Variants in SASH1 observed in about 807,000 individuals in gnomAD.
SASH1 encodes the protein SAM and SH3 domain containing 1, also known as SAM and SH3 domain-containing protein 1.
In SASH1, 44 loss-of-function variants were observed where a neutral mutation model predicts 125.2. That is an observed-to-expected ratio of 0.35 (90% CI 0.28 to 0.45). The LOEUF (loss-of-function observed/expected upper bound fraction) is 0.45. SASH1 is among the 20% of genes least tolerant of loss of function. SASH1 has a pLI of 1.00. For missense variants in SASH1, 1,426 were observed against 1,614.5 expected (o/e 0.88, Z 2.00); for synonymous variants, 639 against 649.1 (o/e 0.98, Z 0.24).
chr6:148,503,698 G>C (rs1190645323), intron 8 of SASH1, among the ~76,000 whole-genome samples: 1 of 151,768 alleles, frequency 6.6e-6, no homozygotes, highest in Non-Finnish European at 1.5e-5. Flanking sequence ...GGGAGGATTT[G>C]GGGACACTGA....
chr6:148,312,964 C>T (rs1780373996), intron 1 of SASH1, among the ~76,000 whole-genome samples: 1 of 152,074 alleles, frequency 6.6e-6, no homozygotes, highest in Non-Finnish European at 1.5e-5. Context: ...GAAGTGTCAA[C>T]AGAGATTCAG....
At chr6:148,317,683 C>A (rs1347809863) in intron 1 of SASH1, among the ~76,000 whole-genome samples, 1 of 152,156 alleles carries the variant, frequency 6.6e-6, no homozygotes, top group East Asian at 1.9e-4. Flanking sequence ...CCTCGGCCTC[C>A]CAAAGTGCTG....
At chr6:148,514,920 G>T (rs939329103) in intron 9 of SASH1, among the ~76,000 whole-genome samples, 16 of 152,124 alleles carry the variant, frequency 1.1e-4, no homozygotes, top group Non-Finnish European at 2.2e-4. Context: ...GGGTTGATTT[G>T]TTCTTCCTGT....
chr6:148,471,878 G>A (rs1305255573), intron 6 of SASH1, among the ~76,000 whole-genome samples: 1 of 152,102 alleles, frequency 6.6e-6, no homozygotes, highest in South Asian at 2.1e-4. Flanking sequence ...TCCTGTCCGC[G>A]TTCCCACTGA....
chr6:148,548,113 T>C (rs1380968245), intron 19 of SASH1, among the ~76,000 whole-genome samples, 182 bp from the exon 20 acceptor site: 4 of 152,216 alleles, frequency 2.6e-5, no homozygotes, highest in Non-Finnish European at 4.4e-5. Flanking sequence ...TCCTTAAAGA[T>C]TTGTTTCATC....
the SASH1 span, among the ~76,000 whole-genome samples, chr6:148,209,936 T>C: frequency 5.6e-3 from 856 of 152,172 alleles, 9 homozygotes; most frequent in African/African-American, 0.019. Context: ...ACACAGTGTA[T>C]TTTTTTTCCC....
chr6:148,266,112 G>A, the SASH1 span, among the ~76,000 whole-genome samples: 1 of 151,732 alleles, frequency 6.6e-6, no homozygotes, highest in Non-Finnish European at 1.5e-5. Context: ...AGCTGGGATT[G>A]CAGGTGCCCA....
At chr6:148,327,446 G>T (rs1037092948) in intron 1 of SASH1, among the ~76,000 whole-genome samples, 2 of 151,164 alleles carry the variant, frequency 1.3e-5, no homozygotes, top group African/African-American at 4.9e-5. Context: ...CACCACGCCC[G>T]GCTAATTTTT....
chr6:148,212,827 A>T, the SASH1 span, among the ~76,000 whole-genome samples: 1 of 152,080 alleles, frequency 6.6e-6, no homozygotes, highest in African/African-American at 2.4e-5. Flanking sequence ...TATAGAGAGG[A>T]GTTTATTTGA....
At chr6:148,279,403 A>G (rs1779276332) in intron 1 of SASH1, among the ~76,000 whole-genome samples, 2 of 152,236 alleles carry the variant, frequency 1.3e-5, no homozygotes, top group African/African-American at 4.8e-5. Flanking sequence ...AATGCCTAGC[A>G]CATAGTGGAC....
chr6:148,536,970 A>AAAAC (rs1781882914), intron 16 of SASH1, among the ~76,000 whole-genome samples: 1 of 152,204 alleles, frequency 6.6e-6, no homozygotes. Context: ...TATTGGTTCT[A>AAAAC]AAACAAAGGC....
the SASH1 span, among the ~76,000 whole-genome samples, chr6:148,259,548 C>T: frequency 6.6e-6 from 1 of 152,198 alleles, no homozygotes; most frequent in African/African-American, 2.4e-5. Context: ...TATGGCTGTG[C>T]TTGTGTCGCT....
rs370163135 is a variant in SASH1, at chr6:148,440,342, G to A, written c.337-16G>A. 111 of 1,613,416 alleles carry A rather than the reference G, an allele frequency of 6.9e-5. 2 individuals are homozygous for A. The African/African-American group carries it at 7.1e-4, about 10-fold the overall frequency. ...GCTGCTCTGACCACACTGACTATAC[G>A]AATCTTCTCTCGTAGGAGTCGCTTG... On this transcript the variant is annotated splice_polypyrimidine_tract_variant and intron_variant, in intron 3 of 19. Transcript: ENST00000367467.
At chr6:148,331,976 G>A (rs1288949779) in intron 1 of SASH1, among the ~76,000 whole-genome samples, 4 of 152,044 alleles carry the variant, frequency 2.6e-5, no homozygotes, top group Admixed American at 2.0e-4. Context: ...GTTCCCCCCT[G>A]CCCTACCCAG....
chr6:148,532,669 A>G lies in SASH1; in HGVS notation c.1565-128A>G. The G allele has an allele frequency of 9.3e-7, 1 of 1,074,818 alleles. No individual in the cohort carries two copies. The highest frequency in any genetic ancestry group is 1.5e-5 in the South Asian group (1 of 68,696). The allele number at this position is 1,074,818 out of a possible 1,614,324, so 66.6% of individuals were successfully genotyped here. A position where few individuals can be genotyped will look rare whatever the true frequency, so the allele number is the denominator to read the frequency against. ...CTGGGCCCTGCCCTGGTCCTGACAG[A>G]GGGTTGTGGCTCAAGGCTTCCTTTC... On this transcript the variant is annotated intron_variant, in intron 13 of 19. Transcript: ENST00000367467. The surrounding 1 kb of genome is among the most constrained non-coding windows in gnomAD (Gnocchi z 4.7).
In SASH1 at chr6:148,468,687, GA is replaced by G. The variant is rs1487309087; in HGVS notation, c.427+105del. 4 of 722,608 alleles carry G rather than the reference GA, an allele frequency of 5.5e-6. No homozygotes were observed. In the African/African-American group the frequency reaches 7.3e-5, roughly 13 times the overall value. 44.8% of individuals were successfully genotyped at this position (722,608 alleles called of 1,614,324 possible). A position where few individuals can be genotyped will look rare whatever the true frequency, so the allele number is the denominator to read the frequency against. On this transcript the variant is annotated intron_variant, in intron 5 of 19. Transcript: ENST00000367467. The stretch of plus-strand genomic sequence containing the variant: ...AAACCCACAAGAATCCTTCTACTCA[GA>G]AATAAACACTGTTAAGATTTTGATG...
intron 16 of SASH1, among the ~76,000 whole-genome samples, chr6:148,539,339 T>G (rs1196547292): frequency 6.6e-6 from 1 of 152,074 alleles, no homozygotes; most frequent in Non-Finnish European, 1.5e-5. Context: ...TGTAGTTTTT[T>G]TATCCCTAGA....
intron 2 of SASH1, 125 bp from the exon 3 acceptor site, chr6:148,440,059 C>A: frequency 1.3e-6 from 1 of 760,524 alleles, no homozygotes. Context: ...TTATCTCTGC[C>A]ATCTCCTCCC....
Position 148,371,261 on chromosome 6 carries a change from A to G in SASH1, c.157-18873A>G, listed in dbSNP as rs116584532. Among the ~76,000 whole-genome samples, 1,126 of 151,918 alleles carry G rather than the reference A, an allele frequency of 7.4e-3. 15 individuals carry two copies. The highest frequency in any genetic ancestry group is 0.022 in the African/African-American group (931 of 41,450). ...TTTGGGCATTTTCTGAATTATATCT[A>G]TGGAGCACCTAGTTGGCTATTCTTT... On this transcript the variant is annotated intron_variant, in intron 1 of 19. Coordinates refer to ENST00000367467, the MANE Select transcript of SASH1 (RefSeq NM_015278.5).
Sources: gnomAD v4.1 joint callset for allele counts (sites outside exome capture counted in the v4.1 genomes callset) on GRCh38, gnomAD v4.1.1 for gene constraint, Gnocchi (gnomAD v3.1) non-coding constraint, MANE v1.5 for transcripts, NCBI Gene and HGNC (gene_info 2026-07-23, HGNC 2026-07-21) for gene names.